PATJ: variants seen among roughly 807,000 people sequenced by gnomAD.
PATJ encodes the protein inaD-like protein.
Under a neutral mutation model 224.9 loss-of-function variants are expected in PATJ, and 190 were observed. The ratio of observed to expected loss-of-function variants is 0.84; its 90% CI spans 0.75 to 0.95. PATJ has a LOEUF of 0.95. Among genes scored for constraint, PATJ ranks in the 40% least tolerant of loss-of-function variants. PATJ has a pLI of 0.00. For missense variants in PATJ, 2,121 were observed against 2,270.3 expected (o/e 0.93, Z 1.34); for synonymous variants, 769 against 820.3 (o/e 0.94, Z 1.07).
chr1:62,026,856 G>A (rs1341675080), intron 29 of PATJ, among the ~76,000 whole-genome samples: 3 of 152,154 alleles, frequency 2.0e-5, no homozygotes, highest in African/African-American at 7.2e-5. Flanking sequence ...AACTCTACTT[G>A]TGGAGTATAT....
chr1:61,961,751 C>T (rs1311190268), intron 27 of PATJ, among the ~76,000 whole-genome samples: 1 of 151,740 alleles, frequency 6.6e-6, no homozygotes, highest in Non-Finnish European at 1.5e-5. Context: ...GGTGGATCAC[C>T]TGAGGTCAAG....
chr1:62,160,921 A>G lies in PATJ; in HGVS notation c.5516A>G (p.Asp1839Gly), dbSNP rs747352106. The change falls in exon 44 of 44, where the codon GAT becomes GGT. Residue 1839 changes from aspartate (D) to glycine (G), a missense_variant. Asp to Gly is a moderately conservative substitution (Grantham distance 94). Coordinates refer to ENST00000642238, the MANE Select transcript of PATJ (RefSeq NM_001350145.3). ...TCTTGTTTGTAGGGAGCAGCTGCAGATGACGGCCGATTAAAACGAGGGGAT... is the reference window on the plus strand; with the variant it reads ...TCTTGTTTGTAGGGAGCAGCTGCAGGTGACGGCCGATTAAAACGAGGGGAT... ...KTVFAKGAAA[D>G]DGRLKRGDQI... 3.3e-5 allele frequency: 54 copies of G among 1,613,958 alleles called. No homozygotes were observed. The highest frequency in any genetic ancestry group is 1.6e-4 in the Middle Eastern group (1 of 6,084).
chr1:61,936,160 C>T (rs1263642177), intron 27 of PATJ, among the ~76,000 whole-genome samples: 1 of 151,662 alleles, frequency 6.6e-6, no homozygotes, highest in Non-Finnish European at 1.5e-5. Flanking sequence ...CACACTTCCC[C>T]CCAAATCCCT....
intron 14 of PATJ, among the ~76,000 whole-genome samples, chr1:61,809,621 A>G (rs1654292423): frequency 6.6e-6 from 1 of 152,028 alleles, no homozygotes; most frequent in Non-Finnish European, 1.5e-5. Flanking sequence ...TCCCGACCTC[A>G]GGTAATCCAC....
chr1:62,126,500 C>A (rs1420951990), intron 39 of PATJ, among the ~76,000 whole-genome samples: 1 of 152,206 alleles, frequency 6.6e-6, no homozygotes, highest in South Asian at 2.1e-4. Flanking sequence ...CATGCCAGAA[C>A]TGGAACTTGT....
At chr1:62,106,146 G>A (rs867471585) in intron 33 of PATJ, among the ~76,000 whole-genome samples, 2 of 46,424 alleles carry the variant, frequency 4.3e-5, no homozygotes, top group Non-Finnish European at 8.7e-5. Flanking sequence ...ATGTGTATAT[G>A]TGTGTGTGTG....
intron 41 of PATJ, among the ~76,000 whole-genome samples, chr1:62,147,943 A>G (rs1235963086): frequency 1.3e-5 from 2 of 151,586 alleles, no homozygotes; most frequent in South Asian, 2.1e-4. Flanking sequence ...AGCCTGGGTG[A>G]CAAGAGTGAA....
At position 62,015,023 on chromosome 1, in the gene PATJ, G is replaced by A. The variant is rs542549440; in HGVS notation, c.3868-2833G>A. Among the ~76,000 whole-genome samples, 7 of 152,264 alleles carry A rather than the reference G, an allele frequency of 4.6e-5. No homozygotes were observed. In the East Asian group the frequency reaches 1.3e-3, roughly 29 times the overall value. Reference sequence around the variant, plus strand: ...ATATTAAGAATAGAAACGTATGCCGGGCGCAGTGGCTCACGCCTGTAATCC... The same window carrying A: ...ATATTAAGAATAGAAACGTATGCCGAGCGCAGTGGCTCACGCCTGTAATCC... On this transcript the variant is annotated intron_variant, in intron 28 of 43. Coordinates refer to ENST00000642238, the MANE Select transcript of PATJ (RefSeq NM_001350145.3).
chr1:62,001,508 G>A (rs930542831), intron 28 of PATJ, among the ~76,000 whole-genome samples: 12 of 150,290 alleles, frequency 8.0e-5, no homozygotes, highest in Non-Finnish European at 1.0e-4. Flanking sequence ...GTAGATATGC[G>A]GCGTTATTTC....
chr1:62,129,106 T>C (rs1666024118), intron 41 of PATJ, among the ~76,000 whole-genome samples, 161 bp downstream of exon 41: 1 of 152,248 alleles, frequency 6.6e-6, no homozygotes, highest in African/African-American at 2.4e-5. Context: ...TCAGAAATTC[T>C]TTAATGCCAC....
At chr1:61,748,461 G>A (rs1306008653) in intron 1 of PATJ, among the ~76,000 whole-genome samples, 1 of 149,328 alleles carries the variant, frequency 6.7e-6, no homozygotes, top group Non-Finnish European at 1.5e-5. Context: ...TCACCATGTT[G>A]GCCAGGCTGG....
At chr1:61,827,976 G>T (rs112402467) in intron 16 of PATJ, among the ~76,000 whole-genome samples, 12,188 of 152,146 alleles carry the variant, frequency 0.08, 570 homozygotes, top group South Asian at 0.14. Flanking sequence ...GCCGGGCGCG[G>T]TGGCTCACAC....
intron 24 of PATJ, 104 bp from the exon 25 acceptor site, chr1:61,908,268 A>G (rs1436394492): frequency 5.4e-6 from 4 of 740,032 alleles, no homozygotes; most frequent in Non-Finnish European, 9.2e-6. Flanking sequence ...TACTCATTAG[A>G]CTCTGGTTGT....
chr1:61,961,522 A>G (rs1304033168), intron 27 of PATJ, among the ~76,000 whole-genome samples: 1 of 152,198 alleles, frequency 6.6e-6, no homozygotes, highest in Admixed American at 6.5e-5. Context: ...TTTTATTATA[A>G]TTTATCATAT....
At chr1:61,950,925 T>A (rs1313230034) in intron 27 of PATJ, among the ~76,000 whole-genome samples, 1 of 152,172 alleles carries the variant, frequency 6.6e-6, no homozygotes, top group Non-Finnish European at 1.5e-5. Flanking sequence ...GGCGGGCGGA[T>A]CACCTGAGCT....
intron 22 of PATJ, among the ~76,000 whole-genome samples, chr1:61,892,509 C>G (rs1253227886): frequency 1.3e-5 from 2 of 152,014 alleles, no homozygotes; most frequent in African/African-American, 4.8e-5. Flanking sequence ...ACCCACCCCC[C>G]CAAATCTGTA....
At position 62,024,657 on chromosome 1, in the gene PATJ, AACACACACACACACACACACAC is replaced by A. The variant is rs10605703; in HGVS notation, c.3959+6748_3959+6769del. On this transcript the variant is annotated intron_variant, in intron 29 of 43. Coordinates refer to ENST00000642238, the MANE Select transcript of PATJ (RefSeq NM_001350145.3). ...GGTAGACCCCCACTTCCCACCTCCC[AACACACACACACACACACACAC>A]ACACACACACACACACACACACACA... 9.5e-3 allele frequency among the ~76,000 whole-genome samples: 1,026 copies of A among 107,730 alleles called. 11 individuals carry two copies. Among genetic ancestry groups the A allele is most frequent in the Middle Eastern group, 0.013 (3 of 230 alleles). The allele number at this position is 107,730 out of a possible 152,430, so 70.7% of individuals were successfully genotyped here.
At chr1:62,127,299 T>C (rs1665813155) in intron 39 of PATJ, among the ~76,000 whole-genome samples, 1 of 152,152 alleles carries the variant, frequency 6.6e-6, no homozygotes, top group Non-Finnish European at 1.5e-5. Flanking sequence ...TATGAAAGGT[T>C]GTGATGTCCT....
rs1307341675 is a variant in PATJ at position 61,742,542 on chromosome 1, C to A, written c.-49C>A. The A allele has an allele frequency of 2.0e-5, 3 of 152,508 alleles. No individual in the cohort carries two copies. The highest frequency in any genetic ancestry group is 7.2e-5 in the African/African-American group (3 of 41,470). The allele number at this position is 152,508 out of a possible 1,614,324, so 9.4% of individuals were successfully genotyped here. On this transcript the variant is annotated 5_prime_UTR_variant, in exon 1 of 44. Coordinates refer to ENST00000642238, the MANE Select transcript of PATJ (RefSeq NM_001350145.3). ...GCCCGACCCGGGCTCCCACCTGCTC[C>A]TCCAGCGCACCAGGTAAAGCGTGAG...
Sources: allele counts gnomAD v4.1 joint callset (sites outside exome capture counted in the v4.1 genomes callset), GRCh38; gene constraint gnomAD v4.1.1; transcripts MANE v1.5; gene names NCBI Gene and HGNC (gene_info 2026-07-23, HGNC 2026-07-21).